The following LRP1B variants were observed in gnomAD, a reference collection of about 807,000 sequenced individuals.
LRP1B encodes low-density lipoprotein receptor-related protein 1B.
In LRP1B, 217 loss-of-function variants were observed where a neutral mutation model predicts 556.6. The observed-to-expected ratio is 0.39, with a 90% confidence interval of 0.35 to 0.44. The LOEUF is 0.44. Ranked by LOEUF, LRP1B falls within the 20% of genes least tolerant of loss-of-function variation. The probability of loss-of-function intolerance (pLI) is 1.00; values close to 1 mark genes in which losing one functional copy is unlikely to be tolerated. For synonymous variants in LRP1B, 2,047 were observed against 1,865.8 expected, an observed-to-expected ratio of 1.10 and a Z score of -2.50; for missense variants, 5,053 against 5,620.8, an observed-to-expected ratio of 0.90 and a Z score of 3.23.
chr2:141,553,840 C>T (rs559844715), intron 2 of LRP1B, among the ~76,000 whole-genome samples: 1 of 128,558 alleles, frequency 7.8e-6, no homozygotes, highest in South Asian at 2.4e-4. Flanking sequence ...TATAATATAT[C>T]TATATTAATA....
intron 43 of LRP1B, among the ~76,000 whole-genome samples, chr2:140,556,428 C>T (rs1680735764): frequency 6.6e-6 from 1 of 152,048 alleles, no homozygotes; most frequent in South Asian, 2.1e-4. Flanking sequence ...TAGTATATTA[C>T]TATTAGATCA....
chr2:140,682,540 G>C (rs964068828), intron 41 of LRP1B, among the ~76,000 whole-genome samples: 2 of 152,146 alleles, frequency 1.3e-5, no homozygotes, highest in African/African-American at 4.8e-5. Flanking sequence ...GCAAGGCACA[G>C]TTTCTGTGCT....
chr2:142,097,520 A>G (rs570319140), intron 1 of LRP1B, among the ~76,000 whole-genome samples: 1 of 151,830 alleles, frequency 6.6e-6, no homozygotes, highest in East Asian at 1.9e-4. Flanking sequence ...CTTTAAAATT[A>G]TTTAGAAAAT....
intron 2 of LRP1B, among the ~76,000 whole-genome samples, chr2:141,756,808 A>G (rs1196953771): frequency 2.6e-5 from 4 of 152,132 alleles, no homozygotes; most frequent in Non-Finnish European, 5.9e-5. Flanking sequence ...CTAGGTATGT[A>G]GTGGGGTATA....
At chr2:140,397,207 G>T (rs758867541) in intron 66 of LRP1B, among the ~76,000 whole-genome samples, 6 of 151,952 alleles carry the variant, frequency 3.9e-5, no homozygotes, top group Non-Finnish European at 7.4e-5. Context: ...AAGTTCTGGG[G>T]TACACGTGCA....
intron 11 of LRP1B, among the ~76,000 whole-genome samples, chr2:141,046,649 G>A (rs1311602516): frequency 2.0e-5 from 3 of 152,048 alleles, no homozygotes; most frequent in Non-Finnish European, 1.5e-5. Flanking sequence ...TGTGATAGGT[G>A]GAATGCAAAG....
At position 140,617,196 on chromosome 2, in the gene LRP1B, C is replaced by T. The variant is rs549864168; in HGVS notation, c.6800-15557G>A. ...ATTGCTCTTTTCTTTTTCTTTTTGTCTAACTGCACAAATACTGTCTCCCTC... is the reference window on the plus strand; with the variant it reads ...ATTGCTCTTTTCTTTTTCTTTTTGTTTAACTGCACAAATACTGTCTCCCTC... On this transcript the variant is annotated intron_variant, in intron 41 of 90. Coordinates refer to ENST00000389484, the MANE Select transcript of LRP1B (RefSeq NM_018557.3). 2.6e-5 allele frequency among the ~76,000 whole-genome samples: 4 copies of T among 151,838 alleles called. No homozygotes were observed. In the East Asian group the frequency reaches 5.8e-4, roughly 22 times the overall value.
At chr2:142,038,241 G>C (rs906336427) in intron 1 of LRP1B, among the ~76,000 whole-genome samples, 1 of 151,552 alleles carries the variant, frequency 6.6e-6, no homozygotes, top group African/African-American at 2.4e-5. Context: ...GTTGGCATCG[G>C]TTTTAAATGG....
At chr2:141,032,826 C>CATACATACATACATATATATATAT in intron 11 of LRP1B, among the ~76,000 whole-genome samples, 3 of 126,610 alleles carry the variant, frequency 2.4e-5, no homozygotes, top group South Asian at 2.7e-4. Context: ...TATATACATA[C>CATACATACATACATATATATATAT]ATATATATAT....
At chr2:140,443,465 G>T (rs1256823903) in intron 65 of LRP1B, among the ~76,000 whole-genome samples, 2 of 152,166 alleles carry the variant, frequency 1.3e-5, no homozygotes, top group African/African-American at 4.8e-5. Context: ...TAACCATAAA[G>T]AACTGGTACT....
At chr2:141,478,514 C>T (rs920141353) in intron 3 of LRP1B, among the ~76,000 whole-genome samples, 5 of 127,830 alleles carry the variant, frequency 3.9e-5, no homozygotes, top group Non-Finnish European at 8.6e-5. Flanking sequence ...CTTTCCCTCC[C>T]TCCCTTCCTC....
In LRP1B at chr2:141,346,040, C is replaced by CT; in HGVS notation, c.344-91400dup. On this transcript the variant is annotated intron_variant, in intron 3 of 90. Coordinates refer to ENST00000389484, the MANE Select transcript of LRP1B (RefSeq NM_018557.3). ...TAAATATTCCACTTTAAAAAGTAGC[C>CT]TCTTTTTGTTTCAGGATAGTAATAT... Among the ~76,000 whole-genome samples, 5 of 151,848 alleles carry CT rather than the reference C, an allele frequency of 3.3e-5. No homozygotes were observed. The South Asian group carries it at 1.0e-3, about 32-fold the overall frequency.
intron 1 of LRP1B, among the ~76,000 whole-genome samples, chr2:141,983,313 G>C (rs890132218): frequency 6.6e-6 from 1 of 152,100 alleles, no homozygotes; most frequent in Non-Finnish European, 1.5e-5. Flanking sequence ...CCCAAGCATT[G>C]ATGTCTTATT....
chr2:141,250,708 G>A (rs1014221570), intron 4 of LRP1B, among the ~76,000 whole-genome samples: 2 of 152,134 alleles, frequency 1.3e-5, no homozygotes, highest in African/African-American at 2.4e-5. Flanking sequence ...TGGTACCTGA[G>A]TCTTGCAGTA....
chr2:140,468,173 G>A (rs560780819), intron 60 of LRP1B, among the ~76,000 whole-genome samples: 1 of 152,310 alleles, frequency 6.6e-6, no homozygotes, highest in East Asian at 1.9e-4. Flanking sequence ...ACCTTTCAGT[G>A]TGGTGCTCTT....
intron 35 of LRP1B, among the ~76,000 whole-genome samples, chr2:140,756,773 A>G (rs1394407926): frequency 6.6e-6 from 1 of 152,196 alleles, no homozygotes; most frequent in African/African-American, 2.4e-5. Flanking sequence ...GGTTTCTTAG[A>G]TATGATACAA....
At chr2:140,755,278 C>T (rs1390900651) in intron 35 of LRP1B, among the ~76,000 whole-genome samples, 1 of 151,980 alleles carries the variant, frequency 6.6e-6, no homozygotes, top group African/African-American at 2.4e-5. Context: ...CTTCCAAGAA[C>T]CAGATTATGA....
chr2:140,483,615 CATAT>C (rs201503377), intron 59 of LRP1B, among the ~76,000 whole-genome samples: 1,026 of 88,250 alleles, frequency 0.012, 31 homozygotes, highest in African/African-American at 0.03. Flanking sequence ...CACACACACA[CATAT>C]ATATATATAT....
intron 51 of LRP1B, among the ~76,000 whole-genome samples, chr2:140,511,269 T>C (rs1468696834): frequency 1.4e-5 from 2 of 142,948 alleles, no homozygotes. Context: ...CAGTGGGGTA[T>C]CAAAATACAA....
Sources: allele counts gnomAD v4.1 joint callset (sites outside exome capture counted in the v4.1 genomes callset), GRCh38; gene constraint gnomAD v4.1.1; transcripts MANE v1.5; gene names NCBI Gene and HGNC (gene_info 2026-07-23, HGNC 2026-07-21).